Variants in KL observed in about 807,000 individuals in gnomAD.
KL encodes alpha-klotho.
A neutral mutation model predicts 84.2 loss-of-function variants in KL; 62 were observed. The ratio of observed to expected loss-of-function variants is 0.74; its 90% CI spans 0.60 to 0.91. KL has a LOEUF of 0.91. Among genes scored for constraint, KL ranks in the 40% least tolerant of loss-of-function variants. The pLI is 0.00. For missense variants in KL, 1,261 were observed against 1,305.7 expected (o/e 0.97, Z 0.53); for synonymous variants, 528 against 528.0 (o/e 1.00, Z 0.00).
chr13:33,027,045 C>T lies in KL; in HGVS notation c.819+9786C>T, dbSNP rs114694978. Among the ~76,000 whole-genome samples, 469 of 152,226 alleles carry T rather than the reference C, an allele frequency of 3.1e-3. 4 individuals carry two copies. The highest frequency in any genetic ancestry group is 0.01 in the African/African-American group (426 of 41,534). ...GCGTCTCCTGGGGTCCTTGCTGGAT[C>T]GTGAAAACATACTTCCGGAGAAAGT... On this transcript the variant is annotated intron_variant, in intron 1 of 4. Coordinates refer to ENST00000380099, the MANE Select transcript of KL (RefSeq NM_004795.4).
At chr13:33,058,840 G>A (rs756522310) in intron 3 of KL, among the ~76,000 whole-genome samples, 7 of 152,216 alleles carry the variant, frequency 4.6e-5, no homozygotes, top group Non-Finnish European at 8.8e-5. Context: ...TCAAAAGAGC[G>A]TGCAAATATT....
chr13:33,036,730 C>T (rs1484211669), intron 1 of KL, among the ~76,000 whole-genome samples: 1 of 152,086 alleles, frequency 6.6e-6, no homozygotes, highest in African/African-American at 2.4e-5. Flanking sequence ...TTTATGTTTA[C>T]TATCTCTAGA....
In KL at chr13:33,017,136, G is replaced by C; in HGVS notation, c.696G>C (p.Lys232Asn). Residue 232 changes from lysine (K) to asparagine (N), a missense_variant, in exon 1 of 5, where the codon AAG (lysine) becomes AAC (asparagine). Physicochemically the swap from Lys to Asn is moderately conservative, Grantham distance 94. Coordinates refer to ENST00000380099, the MANE Select transcript of KL (RefSeq NM_004795.4). ...LCFRHFGGQV[K>N]YWITIDNPYV... ...TCCGCCACTTCGGCGGTCAGGTCAA[G>C]TACTGGATCACCATCGACAACCCCT... is the stretch of plus-strand genomic sequence containing the variant. 1.9e-6 allele frequency: 3 copies of C among 1,603,168 alleles called. No homozygotes were observed. Among genetic ancestry groups the C allele is most frequent in the Non-Finnish European group, 2.5e-6 (3 of 1,179,782 alleles).
rs185425841 is a variant in KL, at chr13:33,065,510, A to G, written c.*1324A>G. 1.9e-3 allele frequency: 349 copies of G among 188,582 alleles called. 2 individuals carry two copies. Among genetic ancestry groups the G allele is most frequent in the African/African-American group, 6.1e-3 (264 of 42,940 alleles). The allele number at this position is 188,582 out of a possible 1,614,324, so 11.7% of individuals were successfully genotyped here. Reference sequence around the variant, plus strand: ...TCAGGCAAGATAAACCAATGTCATAACAGGCATTGCCAACCTCACTGACAC... The same window carrying G: ...TCAGGCAAGATAAACCAATGTCATAGCAGGCATTGCCAACCTCACTGACAC... On this transcript the variant is annotated 3_prime_UTR_variant, in exon 5 of 5. Coordinates refer to ENST00000380099, the MANE Select transcript of KL (RefSeq NM_004795.4).
rs139912465 is a variant in KL at position 33,054,135 on chromosome 13, A to G, written c.1188A>G (p.Gln396=). ...FRQLESPNLR[Q]LLSWIDLEFN... ...AATTGGAATCTCCCAACCTGAGGCA[A>G]CTGCTTTCCTGGATTGACCTTGAAT... The change falls in exon 2 of 5, where the codon CAA becomes CAG. Residue 396 remains glutamine, a synonymous_variant. Coordinates refer to ENST00000380099, the MANE Select transcript of KL (RefSeq NM_004795.4). 1,182 of 1,614,104 alleles carry G rather than the reference A, an allele frequency of 7.3e-4. 1 individual carries two copies. Among genetic ancestry groups the G allele is most frequent in the Non-Finnish European group, 8.9e-4 (1,052 of 1,180,022 alleles).
At chr13:33,019,789 G>T (rs1349484834) in intron 1 of KL, among the ~76,000 whole-genome samples, 1 of 123,404 alleles carries the variant, frequency 8.1e-6, no homozygotes, top group Non-Finnish European at 1.9e-5. Context: ...AGGGGAGAGG[G>T]GAGGAGGGAC....
intron 3 of KL, among the ~76,000 whole-genome samples, chr13:33,060,208 G>A (rs1229017924): frequency 6.6e-6 from 1 of 152,166 alleles, no homozygotes; most frequent in Non-Finnish European, 1.5e-5. Context: ...GCCTCTCAAA[G>A]TGCTGGGATT....
At position 33,016,648 on chromosome 13, in the gene KL, G is replaced by C. The variant is rs1870343915; in HGVS notation, c.208G>C (p.Gly70Arg). The C allele has an allele frequency of 6.3e-7, 1 of 1,579,346 alleles. No homozygotes were observed. Among genetic ancestry groups the C allele is most frequent in the Admixed American group, 1.8e-5 (1 of 55,882 alleles). The change falls in exon 1 of 5, where the codon GGC (glycine) becomes CGC (arginine). Residue 70 changes from glycine (G) to arginine (R), a missense_variant. Transcript: ENST00000380099. ...TFPDGFLWAV[G>R]SAAYQTEGGW... ...CCCCGACGGCTTCCTCTGGGCCGTGGGCAGCGCCGCCTACCAGACCGAGGG... is the reference window on the plus strand; with the variant it reads ...CCCCGACGGCTTCCTCTGGGCCGTGCGCAGCGCCGCCTACCAGACCGAGGG...
At position 33,047,500 on chromosome 13, in the gene KL, C is replaced by A. The variant is rs531391753; in HGVS notation, c.820-6267C>A. Among the ~76,000 whole-genome samples, 134 of 151,930 alleles carry A rather than the reference C, an allele frequency of 8.8e-4. 1 individual carries two copies. Among genetic ancestry groups the A allele is most frequent in the Middle Eastern group, 3.4e-3 (1 of 292 alleles). ...CCCGAGTAGCTGGGATTACAGGCACCTGTATTTTTAGTAGAGACGGGGTTT... is the reference window on the plus strand; with the variant it reads ...CCCGAGTAGCTGGGATTACAGGCACATGTATTTTTAGTAGAGACGGGGTTT... On this transcript the variant is annotated intron_variant, in intron 1 of 4. Transcript: ENST00000380099.
rs1870331650 is a variant in KL at position 33,016,483 on chromosome 13, C to T, written c.43C>T (p.Pro15Ser). Reference sequence around the variant, plus strand: ...GCCGCGCCGCCCGCGGCCGCCGCCGCCGTCGCTGTCGCTGCTGCTGGTGCT... The same window carrying T: ...GCCGCGCCGCCCGCGGCCGCCGCCGTCGTCGCTGTCGCTGCTGCTGGTGCT... ...APPRRPRPPPPSLSLLLVLLG... is the reference protein window; with the variant it reads ...APPRRPRPPPSSLSLLLVLLG... Residue 15 changes from proline to serine, a missense_variant, in exon 1 of 5, where the codon CCG becomes TCG. Transcript: ENST00000380099. 3 of 1,152,156 alleles carry T rather than the reference C, an allele frequency of 2.6e-6. No homozygotes were observed. The highest frequency in any genetic ancestry group is 4.8e-5 in the Admixed American group (1 of 20,836). 71.4% of individuals were successfully genotyped at this position (1,152,156 alleles called of 1,614,324 possible). A position where few individuals can be genotyped will look rare whatever the true frequency, so the allele number is the denominator to read the frequency against.
intron 1 of KL, among the ~76,000 whole-genome samples, chr13:33,053,326 A>G (rs1871822288): frequency 6.6e-6 from 1 of 152,230 alleles, no homozygotes. Flanking sequence ...AGTCATTTTG[A>G]AAACTCCCAG....
intron 1 of KL, among the ~76,000 whole-genome samples, chr13:33,042,274 A>T (rs977996797): frequency 1.3e-5 from 2 of 152,248 alleles, no homozygotes; most frequent in African/African-American, 4.8e-5. Flanking sequence ...AAGCAATTTG[A>T]TGAATTTTGA....
Position 33,064,013 on chromosome 13 carries a change from C to G in KL, c.2866C>G (p.Pro956Ala). ...KIIDSNGFPG[P>A]ETLERFCPEE... ...TATTGACAGCAATGGTTTCCCGGGC[C>G]CAGAAACTCTGGAAAGATTTTGTCC... Residue 956 changes from proline to alanine, a missense_variant, in exon 5 of 5, where the codon CCA becomes GCA. By Grantham distance (27) the Pro-to-Ala change is conservative. Transcript: ENST00000380099. 1 of 1,614,106 alleles carries G rather than the reference C, an allele frequency of 6.2e-7. No homozygotes were observed.
chr13:33,029,878 T>C (rs503412), intron 1 of KL, among the ~76,000 whole-genome samples: 76,181 of 151,690 alleles, frequency 0.5, 20,086 homozygotes, highest in Admixed American at 0.62. Context: ...TGTGATCCAC[T>C]CACCTCGGCC....
At chr13:33,041,167 A>T (rs1036164201) in intron 1 of KL, among the ~76,000 whole-genome samples, 1 of 152,058 alleles carries the variant, frequency 6.6e-6, no homozygotes, top group Non-Finnish European at 1.5e-5. Flanking sequence ...GATTCCATTT[A>T]CATAAAGTCC....
intron 1 of KL, among the ~76,000 whole-genome samples, chr13:33,046,948 T>C (rs1871553860): frequency 6.6e-6 from 1 of 152,194 alleles, no homozygotes; most frequent in Non-Finnish European, 1.5e-5. Context: ...TATTTGTGAA[T>C]ATTCTAGTTT....
intron 1 of KL, among the ~76,000 whole-genome samples, chr13:33,037,849 G>C (rs1220211504): frequency 6.6e-6 from 1 of 151,986 alleles, no homozygotes; most frequent in African/African-American, 2.4e-5. Flanking sequence ...GATGAGACCA[G>C]AGCAGAAGAC....
At chr13:33,057,720 A>G (rs1872018861) in intron 3 of KL, among the ~76,000 whole-genome samples, 1 of 151,872 alleles carries the variant, frequency 6.6e-6, no homozygotes, top group Admixed American at 6.5e-5. Context: ...TGCAATTGCT[A>G]TTTTCTTCTT....
rs560150989 is a variant in KL, at chr13:33,059,700, T to C, written c.1600-979T>C. Among the ~76,000 whole-genome samples the C allele has an allele frequency of 1.7e-3, 265 of 152,322 alleles. 1 individual carries two copies. The highest frequency in any genetic ancestry group is 2.6e-3 in the Non-Finnish European group (175 of 68,032). On this transcript the variant is annotated intron_variant, in intron 3 of 4. Coordinates refer to ENST00000380099, the MANE Select transcript of KL (RefSeq NM_004795.4). ...GTTGGTCAGGCTGGTCTCAAACTCC[T>C]GATCTCATGATCTGCCCGCCTTGGC...
Sources: allele counts gnomAD v4.1 joint callset (sites outside exome capture counted in the v4.1 genomes callset), GRCh38; gene constraint gnomAD v4.1.1; transcripts MANE v1.5; gene names NCBI Gene and HGNC (gene_info 2026-07-23, HGNC 2026-07-21).